Variants in TMX2 observed in about 807,000 individuals in gnomAD.
The protein encoded by TMX2 is thioredoxin related transmembrane protein 2.
Under a neutral mutation model 33.4 loss-of-function variants are expected in TMX2, and 20 were observed. That is an observed-to-expected ratio of 0.60 (90% CI 0.42 to 0.87). The LOEUF (loss-of-function observed/expected upper bound fraction) is 0.87. TMX2 is among the 40% of genes least tolerant of loss of function. TMX2 has a pLI of 0.00. For synonymous variants in TMX2, 166 were observed against 140.7 expected (o/e 1.18, Z -1.27); for missense variants, 340 against 370.7 (o/e 0.92, Z 0.68).
chr11:57,726,832 T>G (rs558667614), intron 1 of TMX2, among the ~76,000 whole-genome samples: 1 of 152,314 alleles, frequency 6.6e-6, no homozygotes, highest in Admixed American at 6.5e-5. Flanking sequence ...GAGATTAAAT[T>G]TATTACATTC....
intron 1 of TMX2, among the ~76,000 whole-genome samples, chr11:57,721,345 GTTTT>G (rs71061532): frequency 5.7e-5 from 6 of 105,264 alleles, no homozygotes; most frequent in African/African-American, 1.7e-4. Flanking sequence ...AATAAATAAA[GTTTT>G]TTTTTTTTTT....
intron 1 of TMX2, among the ~76,000 whole-genome samples, chr11:57,723,779 G>C (rs1261158926): frequency 6.9e-6 from 1 of 145,558 alleles, no homozygotes; most frequent in Non-Finnish European, 1.5e-5. Flanking sequence ...CTCCAGCCTG[G>C]GTGACAGAGC....
rs60802364 is a variant in TMX2, at chr11:57,734,157, CAAAAAAAA to C, written c.190-3428_190-3421del. Among the ~76,000 whole-genome samples the C allele has an allele frequency of 3.4e-4, 17 of 49,764 alleles. No individual in the cohort carries two copies. The East Asian group carries it at 4.8e-3, about 14-fold the overall frequency. The allele number at this position is 49,764 out of a possible 152,430, so 32.6% of individuals were successfully genotyped here. On this transcript the variant is annotated intron_variant, in intron 1 of 7. Transcript: ENST00000278422. ...CTGGGTGACAGAGAGACCCTGTCTC[CAAAAAAAA>C]AAAAAAAAAAAAAAAAAAAAAAGGA...
chr11:57,738,746 CT>C lies in TMX2; in HGVS notation c.525del (p.Ile176SerfsTer14), dbSNP rs1296808392. 5 of 1,613,872 alleles carry C rather than the reference CT, an allele frequency of 3.1e-6. No individual in the cohort carries two copies. In the African/African-American group the frequency reaches 5.3e-5, roughly 17 times the overall value. On this transcript the variant is annotated frameshift_variant, in exon 5 of 8. Transcript: ENST00000278422. LOFTEE classifies it high-confidence loss of function. ...NWSNDCQSFA[P>X]IYADLSLKYN... ...TCTAATGACTGCCAATCATTTGCCC[CT>C]ATCTATGCTGACCTCTCCCTTAAGT...
chr11:57,734,307 A>C (rs1448937864), intron 1 of TMX2, among the ~76,000 whole-genome samples: 5 of 152,142 alleles, frequency 3.3e-5, no homozygotes, highest in African/African-American at 1.2e-4. Flanking sequence ...AGAGATAGGG[A>C]GAGAGTCTAG....
intron 1 of TMX2, among the ~76,000 whole-genome samples, chr11:57,735,710 A>G (rs1200903042): frequency 1.3e-5 from 2 of 152,186 alleles, no homozygotes; most frequent in African/African-American, 4.8e-5. Context: ...GAAAGGAGAA[A>G]CACGTGCATG....
At chr11:57,715,728 C>T (rs1399708484) in intron 1 of TMX2, among the ~76,000 whole-genome samples, 6 of 151,652 alleles carry the variant, frequency 4.0e-5, no homozygotes, top group Non-Finnish European at 5.9e-5. Flanking sequence ...AGGACCCTGC[C>T]GCCTTCCGCA....
rs761841149 is a variant in TMX2 at position 57,740,230 on chromosome 11, CAAG to C, written c.880_882del (p.Lys294del). 29 of 1,604,162 alleles carry C rather than the reference CAAG, an allele frequency of 1.8e-5. No homozygotes were observed. The highest frequency in any genetic ancestry group is 2.5e-5 in the Non-Finnish European group (29 of 1,176,478). Reference sequence around the variant, plus strand: ...CCACCACAGTGTCAGATGGGGAAAACAAGAAGGATAAATAAGATCCTCACTTTG... The same window carrying C: ...CCACCACAGTGTCAGATGGGGAAAACAAGGATAAATAAGATCCTCACTTTG... On this transcript the variant is annotated inframe_deletion, in exon 8 of 8. Coordinates refer to ENST00000278422, the MANE Select transcript of TMX2 (RefSeq NM_015959.4).
intron 1 of TMX2, among the ~76,000 whole-genome samples, chr11:57,735,327 G>C (rs901367981): frequency 9.9e-5 from 15 of 151,634 alleles, no homozygotes; most frequent in African/African-American, 1.5e-4. Context: ...TTCTGCCTCA[G>C]CCTCCTGAGT....
intron 1 of TMX2, among the ~76,000 whole-genome samples, chr11:57,714,811 C>G (rs567777534): frequency 6.6e-6 from 1 of 152,034 alleles, no homozygotes; most frequent in East Asian, 1.9e-4. Context: ...CCAGGCTGGT[C>G]TTGAACTCCT....
intron 1 of TMX2, among the ~76,000 whole-genome samples, chr11:57,730,212 AT>A (rs1948275329): frequency 6.6e-6 from 1 of 150,642 alleles, no homozygotes; most frequent in Non-Finnish European, 1.5e-5. Context: ...GGATCACCTG[AT>A]GTCAGGAGTT....
intron 1 of TMX2, among the ~76,000 whole-genome samples, chr11:57,713,896 G>A (rs1946802052): frequency 6.6e-6 from 1 of 152,200 alleles, no homozygotes; most frequent in South Asian, 2.1e-4. Flanking sequence ...GTCCAGGTGT[G>A]TTGACAGGCT....
chr11:57,729,620 T>A (rs1948226739), intron 1 of TMX2, among the ~76,000 whole-genome samples: 1 of 152,206 alleles, frequency 6.6e-6, no homozygotes, highest in African/African-American at 2.4e-5. Context: ...GCCTTTAATA[T>A]GCAAATTTAA....
chr11:57,738,960 T>C lies in TMX2; in HGVS notation c.549-14T>C, dbSNP rs1200589929. 2 of 1,611,350 alleles carry C rather than the reference T, an allele frequency of 1.2e-6. No homozygotes were observed. The highest frequency in any genetic ancestry group is 8.5e-7 in the Non-Finnish European group (1 of 1,177,818). On this transcript the variant is annotated splice_polypyrimidine_tract_variant and intron_variant, in intron 5 of 7. Transcript: ENST00000278422. ...TATTTTTTTTCAGCATATTAAATAA[T>C]ATATTCTTTTCAGATACAACTGTAC...
intron 1 of TMX2, among the ~76,000 whole-genome samples, chr11:57,717,545 G>A (rs889486943): frequency 6.6e-6 from 1 of 152,056 alleles, no homozygotes; most frequent in Non-Finnish European, 1.5e-5. Flanking sequence ...CACCAAAAAA[G>A]TACGAAAACC....
intron 1 of TMX2, among the ~76,000 whole-genome samples, chr11:57,732,024 A>T (rs1948440313): frequency 6.6e-6 from 1 of 152,214 alleles, no homozygotes; most frequent in Admixed American, 6.5e-5. Context: ...TACACCTAAG[A>T]CTAATCATAC....
At chr11:57,719,951 A>G (rs1947484920) in intron 1 of TMX2, among the ~76,000 whole-genome samples, 1 of 152,030 alleles carries the variant, frequency 6.6e-6, no homozygotes, top group East Asian at 1.9e-4. Flanking sequence ...AGGGGTCTAG[A>G]TGGGACTTCT....
rs111562285 is a variant in TMX2 at position 57,737,750 on chromosome 11, A to G, written c.250+82A>G. ...TTTGCTTCATGTTAAGAGAGTGGCA[A>G]TCATTTGGTAAATTTGTCCTACGTT... On this transcript the variant is annotated intron_variant, in intron 2 of 7. Coordinates refer to ENST00000278422, the MANE Select transcript of TMX2 (RefSeq NM_015959.4). 1.7e-3 allele frequency: 2,721 copies of G among 1,568,230 alleles called. 51 individuals are homozygous for G. The African/African-American group carries it at 0.03, about 17-fold the overall frequency.
chr11:57,717,769 G>GAGGCAT (rs1947275423), intron 1 of TMX2, among the ~76,000 whole-genome samples: 1 of 149,930 alleles, frequency 6.7e-6, no homozygotes, highest in African/African-American at 2.5e-5. Context: ...GGCAGAGGCA[G>GAGGCAT]AGGCAGAGGC....
Sources: gnomAD v4.1 joint callset for allele counts (sites outside exome capture counted in the v4.1 genomes callset) on GRCh38, gnomAD v4.1.1 for gene constraint, MANE v1.5 for transcripts, NCBI Gene and HGNC (gene_info 2026-07-23, HGNC 2026-07-21) for gene names.